The following TMCO5A variants were observed in gnomAD, a reference collection of about 807,000 sequenced individuals.
The protein encoded by TMCO5A is transmembrane and coiled-coil domains 5A, also known as transmembrane and coiled-coil domain-containing protein 5A.
A neutral mutation model predicts 42.3 loss-of-function variants in TMCO5A; 34 were observed. The observed-to-expected ratio is 0.80, with a 90% CI of 0.61 to 1.07. TMCO5A has a LOEUF of 1.07. Among genes scored for constraint, TMCO5A ranks in the 50% least tolerant of loss-of-function variants. The pLI is 0.00. For missense variants in TMCO5A, 357 were observed against 327.9 expected (o/e 1.09, Z -0.69); for synonymous variants, 131 against 115.6 (o/e 1.13, Z -0.86).
At chr15:38,021,464 G>A in the TMCO5A span, among the ~76,000 whole-genome samples, 1 of 140 alleles carries the variant, frequency 7.1e-3, no homozygotes, top group East Asian at 0.17. Flanking sequence ...AAGGGTGCAT[G>A]TGGGGGGATT....
At chr15:37,972,772 T>G in the TMCO5A span, among the ~76,000 whole-genome samples, 2 of 152,362 alleles carry the variant, frequency 1.3e-5, no homozygotes, top group East Asian at 3.9e-4. Flanking sequence ...GCAGAAGCTC[T>G]TCAGTTTAAT....
At chr15:37,994,901 C>T in the TMCO5A span, among the ~76,000 whole-genome samples, 1 of 152,174 alleles carries the variant, frequency 6.6e-6, no homozygotes, top group East Asian at 1.9e-4. Context: ...TCAAAGAGAG[C>T]AAACGTCAGC....
chr15:38,003,709 C>T, the TMCO5A span, among the ~76,000 whole-genome samples: 1 of 152,074 alleles, frequency 6.6e-6, no homozygotes, highest in Non-Finnish European at 1.5e-5. Context: ...CAGTACCTGG[C>T]TACCACCATG....
chr15:37,961,026 CA>C (rs1264380535), intron 11 of TMCO5A, among the ~76,000 whole-genome samples: 1 of 152,136 alleles, frequency 6.6e-6, no homozygotes, highest in Non-Finnish European at 1.5e-5. Context: ...TTTTGCCATA[CA>C]AAAGCTCTTT....
At chr15:37,986,335 C>T in the TMCO5A span, among the ~76,000 whole-genome samples, 1 of 151,054 alleles carries the variant, frequency 6.6e-6, no homozygotes, top group African/African-American at 2.4e-5. Context: ...CTGAATAAAA[C>T]TCTTTCTGAT....
At chr15:37,935,130 G>A (rs925945945) in intron 1 of TMCO5A, 127 bp from the exon 2 acceptor site, 2 of 152,050 alleles carry the variant, frequency 1.3e-5, no homozygotes, top group Admixed American at 6.6e-5. Flanking sequence ...TTAAAATGTG[G>A]GGATTAGAGG....
the TMCO5A span, among the ~76,000 whole-genome samples, chr15:38,010,805 T>G: frequency 6.6e-6 from 1 of 152,176 alleles, no homozygotes; most frequent in Non-Finnish European, 1.5e-5. Context: ...CAGGCTAGAG[T>G]GCAGTGGCTC....
the TMCO5A span, among the ~76,000 whole-genome samples, chr15:37,998,920 T>G: frequency 1.8e-4 from 28 of 152,252 alleles, no homozygotes; most frequent in South Asian, 4.6e-3. Context: ...TGTTGTTGTT[T>G]TTTGAGATGG....
chr15:38,003,027 G>T, the TMCO5A span, among the ~76,000 whole-genome samples: 1 of 152,176 alleles, frequency 6.6e-6, no homozygotes, highest in Non-Finnish European at 1.5e-5. Context: ...TTTTCAAAGA[G>T]ATTTGGGCAC....
chr15:38,025,626 C>G, the TMCO5A span, among the ~76,000 whole-genome samples: 4 of 152,086 alleles, frequency 2.6e-5, no homozygotes, highest in African/African-American at 9.7e-5. Flanking sequence ...TTAGTTCAAT[C>G]ACAAGTTACT....
intron 10 of TMCO5A, among the ~76,000 whole-genome samples, chr15:37,944,663 G>T (rs968521432): frequency 4.6e-5 from 7 of 152,050 alleles, no homozygotes; most frequent in Admixed American, 3.3e-4. Context: ...TTTAACTCCT[G>T]GGCTCAAGGG....
downstream of TMCO5A, among the ~76,000 whole-genome samples, chr15:37,971,571 C>A (rs1363323652): frequency 6.6e-6 from 1 of 152,202 alleles, no homozygotes; most frequent in Non-Finnish European, 1.5e-5. Context: ...ATTTTCTTTT[C>A]TATCACAATG....
the TMCO5A span, among the ~76,000 whole-genome samples, chr15:38,007,948 T>C: frequency 1.6e-5 from 2 of 125,866 alleles, no homozygotes; most frequent in Admixed American, 1.0e-4. Flanking sequence ...CAGGCTGGAG[T>C]GCAGTGGCAC....
chr15:37,964,902 T>TA (rs1283095870), intron 11 of TMCO5A, among the ~76,000 whole-genome samples: 3 of 151,934 alleles, frequency 2.0e-5, no homozygotes, highest in East Asian at 1.9e-4. Context: ...CACATAAATT[T>TA]AAAAAAACTA....
At chr15:37,989,484 T>C in the TMCO5A span, among the ~76,000 whole-genome samples, 2 of 152,062 alleles carry the variant, frequency 1.3e-5, no homozygotes, top group East Asian at 3.8e-4. Context: ...CAGTAAGTTT[T>C]AGTATGTTGT....
chr15:38,012,100 G>C, the TMCO5A span, among the ~76,000 whole-genome samples: 1 of 151,694 alleles, frequency 6.6e-6, no homozygotes, highest in Non-Finnish European at 1.5e-5. Flanking sequence ...CTCCACCCTA[G>C]GTGACAGAGC....
At chr15:37,978,396 A>G in the TMCO5A span, among the ~76,000 whole-genome samples, 1 of 152,198 alleles carries the variant, frequency 6.6e-6, no homozygotes, top group Non-Finnish European at 1.5e-5. Flanking sequence ...AGCTACTACC[A>G]GTGGGAATGC....
the TMCO5A span, among the ~76,000 whole-genome samples, chr15:38,001,217 T>A: frequency 6.6e-6 from 1 of 152,112 alleles, no homozygotes; most frequent in Non-Finnish European, 1.5e-5. Flanking sequence ...TTCTTATATA[T>A]CCTCTTGCTG....
chr15:37,955,608 A>G (rs1343732182), downstream of TMCO5A, among the ~76,000 whole-genome samples: 2 of 152,136 alleles, frequency 1.3e-5, no homozygotes, highest in African/African-American at 4.8e-5. Context: ...GTTCTCAGAG[A>G]CCTACAAAGA....
Sources: allele counts gnomAD v4.1 joint callset (sites outside exome capture counted in the v4.1 genomes callset), GRCh38; gene constraint gnomAD v4.1.1; transcripts MANE v1.5; gene names NCBI Gene and HGNC (gene_info 2026-07-23, HGNC 2026-07-21).